Variants in PSIP1 observed in about 807,000 individuals in gnomAD.
The protein encoded by PSIP1 is PC4 and SFRS1-interacting protein.
Under a neutral mutation model 74.7 loss-of-function variants are expected in PSIP1, and 19 were observed. That is an observed-to-expected ratio of 0.25 (90% CI 0.18 to 0.37). The LOEUF (loss-of-function observed/expected upper bound fraction) is 0.37, where lower values mean the gene tolerates loss of function less well. Ranked by LOEUF, PSIP1 falls within the 10% of genes least tolerant of loss-of-function variation. The pLI, the probability that PSIP1 is intolerant of heterozygous loss-of-function variation, is 1.00. For missense variants in PSIP1, 601 were observed against 614.3 expected (o/e 0.98, Z 0.23); for synonymous variants, 222 against 195.3 (o/e 1.14, Z -1.14).
Position 15,465,456 on chromosome 9 carries a change from G to T in PSIP1, c.*64C>A. 1.5e-6 allele frequency: 2 copies of T among 1,366,632 alleles called. No homozygotes were observed. Among genetic ancestry groups the T allele is most frequent in the Non-Finnish European group, 2.0e-6 (2 of 983,006 alleles). 84.7% of individuals were successfully genotyped at this position (1,366,632 alleles called of 1,614,324 possible). Reference sequence around the variant, plus strand: ...TTATAAAAATTTAAAACTTTCAGCAGTCTATTTCAAATGAAAACCATTACA... The same window carrying T: ...TTATAAAAATTTAAAACTTTCAGCATTCTATTTCAAATGAAAACCATTACA... On this transcript the variant is annotated 3_prime_UTR_variant, in exon 16 of 16. Transcript: ENST00000380733.
intron 3 of PSIP1, chr9:15,505,175 G>C (rs1262875477): frequency 2.0e-5 from 3 of 152,012 alleles, no homozygotes; most frequent in Non-Finnish European, 2.9e-5. Context: ...GAACTCAAGT[G>C]ACCCTCCCGC....
chr9:15,465,523 GTTATC>G lies in PSIP1; in HGVS notation c.1585_1589del (p.Asp529LeufsTer3), dbSNP rs770005753. 7.1e-6 allele frequency: 11 copies of G among 1,557,404 alleles called. No homozygotes were observed. Among genetic ancestry groups the G allele is most frequent in the African/African-American group, 2.7e-5 (2 of 73,074 alleles). On this transcript the variant is annotated frameshift_variant, in exon 16 of 16. Transcript: ENST00000380733. LOFTEE classifies it high-confidence loss of function. Reference sequence around the variant, plus strand: ...TCTATATTCCAGGTATGTCAACCTAGTTATCTAGTGTAGAATCCTTCAGAGATATT... The same window carrying G: ...TCTATATTCCAGGTATGTCAACCTAGTAGTGTAGAATCCTTCAGAGATATT...
chr9:15,468,235 T>G, intron 14 of PSIP1: 1 of 420,360 alleles, frequency 2.4e-6, no homozygotes, highest in South Asian at 1.7e-5. Context: ...AGTCTCCACC[T>G]ATGAGGCTGT....
intron 10 of PSIP1, chr9:15,471,262 G>A (rs772345391): frequency 6.3e-7 from 1 of 1,585,432 alleles, no homozygotes; most frequent in South Asian, 1.1e-5. Context: ...ACTTTATTTT[G>A]CATAATGCAT....
chr9:15,475,492 C>A (rs1017902317), intron 8 of PSIP1, among the ~76,000 whole-genome samples: 2 of 152,024 alleles, frequency 1.3e-5, no homozygotes, highest in African/African-American at 4.8e-5. Context: ...ACCATTTGAC[C>A]CAGCAAATCT....
chr9:15,505,131 G>A (rs1216380334), intron 3 of PSIP1: 2 of 152,070 alleles, frequency 1.3e-5, no homozygotes. Flanking sequence ...TAGAGACACA[G>A]TTTCACCATG....
At chr9:15,470,721 TA>T (rs537098900) in intron 10 of PSIP1, 4 of 952,696 alleles carry the variant, frequency 4.2e-6, no homozygotes, top group East Asian at 7.6e-5. Flanking sequence ...CTCTCAGGAT[TA>T]AAAAAACATT....
chr9:15,491,433 G>A (rs532289133), intron 3 of PSIP1, among the ~76,000 whole-genome samples: 1 of 152,332 alleles, frequency 6.6e-6, no homozygotes, highest in East Asian at 1.9e-4. Flanking sequence ...CTCAGTGCAT[G>A]TTTGTGAATG....
chr9:15,466,433 A>G (rs749145004), intron 15 of PSIP1, among the ~76,000 whole-genome samples: 1 of 152,260 alleles, frequency 6.6e-6, no homozygotes, highest in Non-Finnish European at 1.5e-5. Context: ...TTTTACAATT[A>G]TCCTTTCACA....
Position 15,493,699 on chromosome 9 carries a change from C to A in PSIP1, c.150-3575G>T, listed in dbSNP as rs79962470. ...GCAGAAGGTACCTCTTCACAGGGAC[C>A]CAGGAGAGGGAATGAGCGCAAGCAG... On this transcript the variant is annotated intron_variant, in intron 3 of 15. Coordinates refer to ENST00000380733, the MANE Select transcript of PSIP1 (RefSeq NM_033222.5). Among the ~76,000 whole-genome samples the A allele has an allele frequency of 3.3e-5, 5 of 152,226 alleles. No individual in the cohort carries two copies. The East Asian group carries it at 7.7e-4, about 23-fold the overall frequency.
At position 15,474,232 on chromosome 9, in the gene PSIP1, G is replaced by GT; in HGVS notation, c.634dup (p.Thr212AsnfsTer2). 1 of 1,604,796 alleles carries GT rather than the reference G, an allele frequency of 6.2e-7. No individual in the cohort carries two copies. Reference sequence around the variant, plus strand: ...CTTTTTCTTACTTTTGTCCTCTTCAGTAATGCTATTTTAGAGAACATAACA... The same window carrying GT: ...CTTTTTCTTACTTTTGTCCTCTTCAGTTAATGCTATTTTAGAGAACATAACA... On this transcript the variant is annotated frameshift_variant, in exon 9 of 16. Coordinates refer to ENST00000380733, the MANE Select transcript of PSIP1 (RefSeq NM_033222.5). LOFTEE classifies it high-confidence loss of function.
At position 15,472,746 on chromosome 9, in the gene PSIP1, C is replaced by T; in HGVS notation, c.863G>A (p.Arg288Lys). ...EGDDQEGEKK[R>K]KGGRNFQTAH... Reference sequence around the variant, plus strand: ...AGTCTGAAAGTTCCTCCCACCTTTTCTCTTCTGTTTTGAGAATTAGGATGG... The same window carrying T: ...AGTCTGAAAGTTCCTCCCACCTTTTTTCTTCTGTTTTGAGAATTAGGATGG... The change falls in exon 10 of 16, where the codon AGA (arginine) becomes AAA (lysine). Residue 288 changes from arginine (R) to lysine (K), a missense_variant. This residue lies in a region of PSIP1 where 538 missense variants were observed against 507.6 expected (regional missense o/e 1.06). Coordinates refer to ENST00000380733, the MANE Select transcript of PSIP1 (RefSeq NM_033222.5). 1 of 1,603,794 alleles carries T rather than the reference C, an allele frequency of 6.2e-7. No individual in the cohort carries two copies. The highest frequency in any genetic ancestry group is 8.5e-7 in the Non-Finnish European group (1 of 1,177,460).
At chr9:15,466,328 C>T (rs913323235) in intron 15 of PSIP1, among the ~76,000 whole-genome samples, 2 of 152,264 alleles carry the variant, frequency 1.3e-5, no homozygotes, top group South Asian at 2.1e-4. Context: ...GCAGTGAGCA[C>T]GATCGTGCCA....
At chr9:15,492,569 G>A (rs948572703) in intron 3 of PSIP1, among the ~76,000 whole-genome samples, 5 of 152,176 alleles carry the variant, frequency 3.3e-5, no homozygotes, top group African/African-American at 9.7e-5. Context: ...CCATTCTGGG[G>A]TCTGGAGGAT....
intron 8 of PSIP1, among the ~76,000 whole-genome samples, chr9:15,474,458 C>T (rs1235396885): frequency 6.6e-6 from 1 of 152,106 alleles, no homozygotes; most frequent in African/African-American, 2.4e-5. Flanking sequence ...AACTTAAATT[C>T]TACATATTTG....
At chr9:15,466,573 T>C (rs558599837) in intron 15 of PSIP1, among the ~76,000 whole-genome samples, 175 bp downstream of exon 15, 16 of 152,324 alleles carry the variant, frequency 1.1e-4, no homozygotes, top group African/African-American at 3.6e-4. Flanking sequence ...AAAGTCACTG[T>C]CAATAAAAGG....
In PSIP1 at chr9:15,486,691, A is replaced by T. The variant is rs2036568393; in HGVS notation, c.393+136T>A. On this transcript the variant is annotated intron_variant, in intron 5 of 15. Transcript: ENST00000380733. ...ACTGTATTTAATATTTACACAAGGA[A>T]ATAAGCCTTAAATATTTTCTAATTC... 1.4e-5 allele frequency: 9 copies of T among 658,524 alleles called. No individual in the cohort carries two copies. The East Asian group carries it at 2.6e-4, about 19-fold the overall frequency. The allele number at this position is 658,524 out of a possible 1,614,324, so 40.8% of individuals were successfully genotyped here. A position where few individuals can be genotyped will look rare whatever the true frequency, so the allele number is the denominator to read the frequency against.
intron 10 of PSIP1, 174 bp downstream of exon 10, chr9:15,472,458 G>A (rs1411320503): frequency 1.4e-5 from 19 of 1,393,352 alleles, no homozygotes; most frequent in Non-Finnish European, 1.8e-5. Context: ...CCTCTCAGAA[G>A]AGAATGAAGC....
rs2035511067 is a variant in PSIP1 at position 15,464,951 on chromosome 9, A to C, written c.*569T>G. ...TACCAAAAAAAACCATACAGAGCAC[A>C]CATTGTTCCAAAGAAGCTGGATAAT... On this transcript the variant is annotated 3_prime_UTR_variant, in exon 16 of 16. Coordinates refer to ENST00000380733, the MANE Select transcript of PSIP1 (RefSeq NM_033222.5). The C allele has an allele frequency of 4.6e-6, 1 of 216,156 alleles. No individual in the cohort carries two copies. Among genetic ancestry groups the C allele is most frequent in the Non-Finnish European group, 9.3e-6 (1 of 107,116 alleles). 13.4% of individuals were successfully genotyped at this position (216,156 alleles called of 1,614,324 possible).
Sources: allele counts gnomAD v4.1 joint callset (sites outside exome capture counted in the v4.1 genomes callset), GRCh38; gene constraint gnomAD v4.1.1; regional missense constraint gnomAD v4.1.1; transcripts MANE v1.5; gene names NCBI Gene and HGNC (gene_info 2026-07-23, HGNC 2026-07-21).